Variants in GCN1 observed in about 807,000 individuals in gnomAD.
GCN1 encodes the protein stalled ribosome sensor GCN1.
In GCN1, 90 loss-of-function variants were observed where a neutral mutation model predicts 288.4. The ratio of observed to expected loss-of-function variants is 0.31; its 90% CI spans 0.26 to 0.37. The LOEUF (loss-of-function observed/expected upper bound fraction) is 0.37. Among genes scored for constraint, GCN1 ranks in the 10% least tolerant of loss-of-function variants. The pLI is 1.00. For missense variants in GCN1, 2,586 were observed against 3,419.9 expected, an observed-to-expected ratio of 0.76 and a Z score of 6.08; for synonymous variants, 1,386 against 1,420.2, an observed-to-expected ratio of 0.98 and a Z score of 0.54.
Position 120,178,840 on chromosome 12 carries a change from C to T in GCN1, c.525+12G>A, listed in dbSNP as rs746605226. 6.2e-7 allele frequency: 1 copy of T among 1,613,754 alleles called. No individual in the cohort carries two copies. The highest frequency in any genetic ancestry group is 8.5e-7 in the Non-Finnish European group (1 of 1,179,634). ...AAGAAGCAATGCCCACCAGCCCCTG[C>T]AGTCCTGTCACCTCTTTCCACAGCT... is the stretch of plus-strand genomic sequence containing the variant. On this transcript the variant is annotated intron_variant, in intron 6 of 57. Coordinates refer to ENST00000300648, the MANE Select transcript of GCN1 (RefSeq NM_006836.2).
rs1877711247 is a variant in GCN1 at position 120,155,385 on chromosome 12, G to A, written c.3486C>T (p.Ser1162=). 6.2e-7 allele frequency: 1 copy of A among 1,614,004 alleles called. No individual in the cohort carries two copies. Among genetic ancestry groups the A allele is most frequent in the African/African-American group, 1.3e-5 (1 of 74,930 alleles). ...GATAGATCACGTCGTCAATCAGCAA[G>A]GAGCAGAGGTCTGGCTGCAGGTCTA... ...MGLDLQPDLC[S]LLIDDVIYHE... is the part of the protein sequence containing the mutation. Residue 1162 remains serine, a synonymous_variant, in exon 30 of 58, where the codon TCC becomes TCT. Transcript: ENST00000300648. This position sits in a 1 kb window ranked among gnomAD's most constrained non-coding sequence, Gnocchi z 4.9.
chr12:120,137,187 G>C lies in GCN1; in HGVS notation c.6777+19C>G. On this transcript the variant is annotated intron_variant, in intron 50 of 57. Coordinates refer to ENST00000300648, the MANE Select transcript of GCN1 (RefSeq NM_006836.2). This position sits in a 1 kb window ranked among gnomAD's most constrained non-coding sequence, Gnocchi z 5.2. ...ACAGACTGCACGCCCACAGCCCCCTGCACGAGGCCCTGGCTTACCTTCTTC... is the reference window on the plus strand; with the variant it reads ...ACAGACTGCACGCCCACAGCCCCCTCCACGAGGCCCTGGCTTACCTTCTTC... 1 of 1,573,876 alleles carries C rather than the reference G, an allele frequency of 6.4e-7. No individual in the cohort carries two copies. Among genetic ancestry groups the C allele is most frequent in the Non-Finnish European group, 8.7e-7 (1 of 1,143,794 alleles).
rs1208441964 is a variant in GCN1, at chr12:120,161,987, G to A, written c.2235C>T (p.Thr745=). 6.2e-7 allele frequency: 1 copy of A among 1,613,956 alleles called. No individual in the cohort carries two copies. Among genetic ancestry groups the A allele is most frequent in the Non-Finnish European group, 8.5e-7 (1 of 1,179,998 alleles). Residue 745 remains threonine (T), a synonymous_variant, in exon 21 of 58, where the codon ACC becomes ACT. Coordinates refer to ENST00000300648, the MANE Select transcript of GCN1 (RefSeq NM_006836.2). ...CAGGGTTCTGCACGGAGGCAGTGAT[G>A]GTGCTGATGAGCTGTGGGAGGACCC... The part of the protein sequence containing the change: ...PDRVLPQLIS[T]ITASVQNPAL...
At chr12:120,168,811 G>A (rs1004138599) in intron 15 of GCN1, among the ~76,000 whole-genome samples, 3 of 151,496 alleles carry the variant, frequency 2.0e-5, no homozygotes, top group African/African-American at 7.3e-5. Flanking sequence ...GTATTTCCTC[G>A]CGCCTACTGT....
rs184070099 is a variant in GCN1, at chr12:120,144,401, C to T, written c.5400G>A (p.Ala1800=). 3.7e-6 allele frequency: 6 copies of T among 1,614,232 alleles called. No individual in the cohort carries two copies. Among genetic ancestry groups the T allele is most frequent in the African/African-American group, 2.7e-5 (2 of 75,076 alleles). Residue 1800 remains alanine (A), a synonymous_variant, in exon 42 of 58, where the codon GCG becomes GCA. Transcript: ENST00000300648. This position sits in a 1 kb window ranked among gnomAD's most constrained non-coding sequence, Gnocchi z 4.7. ...CGTACATGGAGATAACCCGCTGGCC[C>T]GCGCGCAGGGCGGTGTCACGCACAA... ...NEFVRDTALR[A]GQRVISMYAE... is the part of the protein sequence containing the mutation.
chr12:120,144,333 C>T lies in GCN1; in HGVS notation c.5468G>A (p.Gly1823Asp). 2 of 1,614,250 alleles carry T rather than the reference C, an allele frequency of 1.2e-6. No individual in the cohort carries two copies. Among genetic ancestry groups the T allele is most frequent in the Non-Finnish European group, 1.7e-6 (2 of 1,180,036 alleles). ...GATTCTCCAAAGGTCATCAAAGAGGCCTTGCTCTAGCTGGGGCAGCAGCAG... is the reference window on the plus strand; with the variant it reads ...GATTCTCCAAAGGTCATCAAAGAGGTCTTGCTCTAGCTGGGGCAGCAGCAG... Reference protein sequence around the residue: ...IALLLPQLEQGLFDDLWRIRF... With the variant: ...IALLLPQLEQDLFDDLWRIRF... Residue 1823 changes from glycine (G) to aspartate (D), a missense_variant, in exon 42 of 58, where the codon GGC becomes GAC. Physicochemically the swap from Gly to Asp is moderately conservative, Grantham distance 94 (BLOSUM62 -1). Coordinates refer to ENST00000300648, the MANE Select transcript of GCN1 (RefSeq NM_006836.2). The surrounding 1 kb of genome is among the most constrained non-coding windows in gnomAD (Gnocchi z 4.7).
intron 1 of GCN1, among the ~76,000 whole-genome samples, chr12:120,191,184 C>A (rs4766959): frequency 0.63 from 95,193 of 152,104 alleles, 30,792 homozygotes; most frequent in East Asian, 0.98. Context: ...GATGAAGAAA[C>A]CATCTCCAAG....
At chr12:120,147,000 GCACT>G in intron 38 of GCN1, 48 bp downstream of exon 38, 1 of 1,103,184 alleles carries the variant, frequency 9.1e-7, no homozygotes, top group South Asian at 2.1e-5. Flanking sequence ...CTCTGACTCT[GCACT>G]CAAACATCTT....
rs1877723435 is a variant in GCN1, at chr12:120,155,667, T to C, written c.3365A>G (p.Asn1122Ser). The change falls in exon 29 of 58, where the codon AAT (asparagine) becomes AGT (serine). Residue 1122 changes from asparagine to serine, a missense_variant. Asn to Ser is a conservative substitution (Grantham distance 46, BLOSUM62 1). Coordinates refer to ENST00000300648, the MANE Select transcript of GCN1 (RefSeq NM_006836.2). The surrounding 1 kb of genome is among the most constrained non-coding windows in gnomAD (Gnocchi z 4.9). ...GAGTCTCCGCAGAAGGTTCAGGCCA[T>C]TCTTCTCATCAGTATCAGGTGCTGG... is the stretch of plus-strand genomic sequence containing the variant. ...VLPAPDTDEK[N>S]GLNLLRRLWV... 7 of 1,613,924 alleles carry C rather than the reference T, an allele frequency of 4.3e-6. No homozygotes were observed. The East Asian group carries it at 1.3e-4, about 31-fold the overall frequency.
At chr12:120,141,138 T>C in intron 44 of GCN1, 115 bp from the exon 45 acceptor site, 1 of 857,846 alleles carries the variant, frequency 1.2e-6, no homozygotes, top group Non-Finnish European at 1.8e-6. Context: ...ATCACTGACT[T>C]AACTTCCCCA....
At chr12:120,131,378 T>C (rs1876816591) in intron 54 of GCN1, 45 bp from the exon 55 acceptor site, 3 of 1,602,422 alleles carry the variant, frequency 1.9e-6, no homozygotes, top group Admixed American at 1.7e-5. Flanking sequence ...TTTTACAGCA[T>C]GTCCCCAGCA....
intron 22 of GCN1, among the ~76,000 whole-genome samples, chr12:120,161,050 G>C (rs1877909948): frequency 6.6e-6 from 1 of 152,132 alleles, no homozygotes; most frequent in Non-Finnish European, 1.5e-5. Flanking sequence ...CGCTGAGAAG[G>C]AAAGAGTCCT....
chr12:120,168,116 C>A, intron 16 of GCN1, 92 bp downstream of exon 16: 1 of 816,724 alleles, frequency 1.2e-6, no homozygotes. Flanking sequence ...TTTTGCAGAC[C>A]TGACTGGTTG....
chr12:120,150,802 T>C (rs1877521850), intron 34 of GCN1, among the ~76,000 whole-genome samples: 1 of 151,722 alleles, frequency 6.6e-6, no homozygotes, highest in Non-Finnish European at 1.5e-5. Flanking sequence ...CCGGGCGTGG[T>C]GGCGGGCGCC....
chr12:120,167,974 G>A (rs901740273), intron 16 of GCN1, among the ~76,000 whole-genome samples: 3 of 151,346 alleles, frequency 2.0e-5, no homozygotes, highest in Non-Finnish European at 4.4e-5. Flanking sequence ...AGCTCATGTC[G>A]TAGCTCCACA....
chr12:120,163,322 CA>C, intron 18 of GCN1, 63 bp from the exon 19 acceptor site: 1 of 1,344,272 alleles, frequency 7.4e-7, no homozygotes, highest in Non-Finnish European at 1.1e-6. Context: ...ACACAGGAAC[CA>C]AATATGCTAC....
At chr12:120,133,282 AG>A (rs1273665533) in intron 53 of GCN1, among the ~76,000 whole-genome samples, 1 of 152,202 alleles carries the variant, frequency 6.6e-6, no homozygotes, top group African/African-American at 2.4e-5. Context: ...GGCCCTACAA[AG>A]TAAATTAGAC....
intron 20 of GCN1, 74 bp from the exon 21 acceptor site, chr12:120,162,132 C>T (rs1440062035): frequency 1.6e-6 from 2 of 1,237,398 alleles, no homozygotes; most frequent in Admixed American, 2.0e-5. Flanking sequence ...CACCTGAATG[C>T]CCCTAGCACT....
chr12:120,165,051 ATTT>A (rs60284535), intron 16 of GCN1, among the ~76,000 whole-genome samples: 13 of 142,154 alleles, frequency 9.1e-5, no homozygotes, highest in African/African-American at 2.9e-4. Context: ...ATATATATAT[ATTT>A]TTTTTTTTGA....
Sources: gnomAD v4.1 joint callset for allele counts (sites outside exome capture counted in the v4.1 genomes callset) on GRCh38, gnomAD v4.1.1 for gene constraint, Gnocchi (gnomAD v3.1) non-coding constraint, MANE v1.5 for transcripts, NCBI Gene and HGNC (gene_info 2026-07-23, HGNC 2026-07-21) for gene names.